The following LMLN variants were observed in gnomAD, a reference collection of about 807,000 sequenced individuals.
LMLN encodes leishmanolysin-like peptidase.
In LMLN, 70 loss-of-function variants were observed where a neutral mutation model predicts 92.3. The ratio of observed to expected loss-of-function variants is 0.76; its 90% CI spans 0.63 to 0.92. LMLN has a LOEUF of 0.92. Among genes scored for constraint, LMLN ranks in the 40% least tolerant of loss-of-function variants. LMLN has a pLI of 0.00. For missense variants in LMLN, 691 were observed against 814.6 expected (o/e 0.85, Z 1.85); for synonymous variants, 308 against 296.2 (o/e 1.04, Z -0.41).
At chr3:197,983,959 G>A in exon 7 of LMLN, 1 of 1,610,830 alleles carries the variant, frequency 6.2e-7, no homozygotes, top group Non-Finnish European at 8.5e-7. Context: ...AGCAGGATAT[G>A]CTAACCTGTG....
chr3:197,974,288 T>C, intron 1 of LMLN, 89 bp from the exon 2 acceptor site: 1 of 700,152 alleles, frequency 1.4e-6, no homozygotes, highest in Non-Finnish European at 2.5e-6. Context: ...GGTATTACAC[T>C]TGAAATTTAG....
chr3:198,014,715 TCTCTC>T (rs1267450230), intron 11 of LMLN, among the ~76,000 whole-genome samples: 49 of 141,994 alleles, frequency 3.5e-4, no homozygotes, highest in Non-Finnish European at 6.3e-4. Flanking sequence ...TAGTCTGACT[TCTCTC>T]CACTCTTCAG....
At chr3:198,024,303 C>T (rs1237580971) in intron 13 of LMLN, among the ~76,000 whole-genome samples, 1 of 151,376 alleles carries the variant, frequency 6.6e-6, no homozygotes, top group Non-Finnish European at 1.5e-5. Flanking sequence ...GCAAGCTCCG[C>T]CTCCCGGGTT....
intron 1 of LMLN, among the ~76,000 whole-genome samples, chr3:197,973,402 C>T (rs993736551): frequency 1.3e-4 from 19 of 151,996 alleles, no homozygotes; most frequent in African/African-American, 3.1e-4. Flanking sequence ...CCACCATGCC[C>T]GGCTAATTTT....
intron 7 of LMLN, among the ~76,000 whole-genome samples, chr3:197,984,382 A>G (rs1277506800): frequency 6.6e-6 from 1 of 152,022 alleles, no homozygotes; most frequent in Admixed American, 6.6e-5. Flanking sequence ...AACAAACAGA[A>G]AGATTTATAA....
At chr3:197,991,111 C>CTTTTTTTTTTTTTT (rs56713833) in intron 9 of LMLN, among the ~76,000 whole-genome samples, 1 of 137,894 alleles carries the variant, frequency 7.3e-6, no homozygotes, top group African/African-American at 2.7e-5. Flanking sequence ...TTCTTTCTTT[C>CTTTTTTTTTTTTTT]TTTTTTTTTT....
chr3:198,021,498 G>A, exon 13 of LMLN: 1 of 1,614,060 alleles, frequency 6.2e-7, no homozygotes, highest in Non-Finnish European at 8.5e-7. Context: ...TATTATGGTG[G>A]CTCCGTGGAA....
At chr3:197,987,838 T>C (rs1449449093) in intron 8 of LMLN, among the ~76,000 whole-genome samples, 1 of 152,190 alleles carries the variant, frequency 6.6e-6, no homozygotes, top group Admixed American at 6.5e-5. Flanking sequence ...GTATCGGATA[T>C]TATAGATCTT....
At chr3:197,961,876 C>A (rs1720905738) in intron 1 of LMLN, among the ~76,000 whole-genome samples, 1 of 152,146 alleles carries the variant, frequency 6.6e-6, no homozygotes, top group Admixed American at 6.5e-5. Flanking sequence ...CAAACAACAT[C>A]AGAATAATTT....
At position 197,981,491 on chromosome 3, in the gene LMLN, G is replaced by A. The variant is rs114834458; in HGVS notation, c.728+987G>A. Among the ~76,000 whole-genome samples, 1,300 of 152,330 alleles carry A rather than the reference G, an allele frequency of 8.5e-3. 12 individuals carry two copies. Among genetic ancestry groups the A allele is most frequent in the African/African-American group, 0.03 (1,250 of 41,570 alleles). ...AGGACTTCTGTGCTAAAACTGTGAAGAAAGGTGTTAATAATGACTGTTCAT... is the reference window on the plus strand; with the variant it reads ...AGGACTTCTGTGCTAAAACTGTGAAAAAAGGTGTTAATAATGACTGTTCAT... On this transcript the variant is annotated intron_variant, in intron 6 of 15. Transcript: ENST00000330198.
intron 11 of LMLN, among the ~76,000 whole-genome samples, chr3:198,013,054 G>C (rs1328610716): frequency 3.4e-5 from 4 of 116,834 alleles, no homozygotes; most frequent in African/African-American, 1.2e-4. Flanking sequence ...TGACTTCTCT[G>C]TACCCTTCAG....
At position 197,996,178 on chromosome 3, in the gene LMLN, GA is replaced by G; in HGVS notation, c.1053del (p.Ala352HisfsTer10). ...TGATTTTTTTTCTGGTTCTTAGGAG[GA>G]AGCACGAAAACATTTTGATTGTCCA... On this transcript the variant is annotated frameshift_variant, in exon 10 of 16. Transcript: ENST00000330198. LOFTEE classifies it high-confidence loss of function. The G allele has an allele frequency of 1.9e-6, 3 of 1,551,550 alleles. No individual in the cohort carries two copies. The highest frequency in any genetic ancestry group is 2.6e-6 in the Non-Finnish European group (3 of 1,152,064).
chr3:197,989,955 G>A (rs1208460271), intron 8 of LMLN, among the ~76,000 whole-genome samples: 1 of 152,244 alleles, frequency 6.6e-6, no homozygotes, highest in African/African-American at 2.4e-5. Flanking sequence ...GCTCACTGCA[G>A]CCTTGAACTC....
rs146108812 is a variant in LMLN at position 197,967,112 on chromosome 3, G to T, written c.219+6672G>T. On this transcript the variant is annotated intron_variant, in intron 1 of 15. Coordinates refer to ENST00000330198, the Ensembl canonical transcript of LMLN. ...CACATTTACATCTATATTAATAAGG[G>T]ATATTGGTCTGTAGTTTTTTTAATT... Among the ~76,000 whole-genome samples, 692 of 152,212 alleles carry T rather than the reference G, an allele frequency of 4.5e-3. 8 individuals are homozygous for T. The East Asian group carries it at 0.047, about 10-fold the overall frequency.
intron 9 of LMLN, chr3:197,994,738 G>A (rs1560143399): frequency 6.6e-6 from 1 of 152,158 alleles, no homozygotes; most frequent in Non-Finnish European, 1.5e-5. Context: ...CAAAAGATAA[G>A]AAGTGTTGGT....
chr3:198,023,359 T>A (rs1413200559), intron 13 of LMLN, among the ~76,000 whole-genome samples: 1 of 152,032 alleles, frequency 6.6e-6, no homozygotes, highest in Non-Finnish European at 1.5e-5. Flanking sequence ...TGACTAATTT[T>A]TAAAAATTTT....
At chr3:197,963,501 TG>T (rs762168861) in intron 1 of LMLN, among the ~76,000 whole-genome samples, 4 of 152,218 alleles carry the variant, frequency 2.6e-5, no homozygotes, top group Non-Finnish European at 4.4e-5. Context: ...AGATCTTGCA[TG>T]TTTTTTGTTA....
At chr3:198,039,647 G>A (rs916241514) in exon 16 of LMLN, 4 of 113,344 alleles carry the variant, frequency 3.5e-5, no homozygotes, top group South Asian at 4.8e-4. Context: ...TTAATTCACT[G>A]TTCCCATTGT....
chr3:198,033,177 T>C (rs1560157894), intron 14 of LMLN, among the ~76,000 whole-genome samples: 1 of 152,170 alleles, frequency 6.6e-6, no homozygotes. Flanking sequence ...TCTCATATAA[T>C]TCTCATCTCT....
Sources: allele counts gnomAD v4.1 joint callset (sites outside exome capture counted in the v4.1 genomes callset), GRCh38; gene constraint gnomAD v4.1.1; transcripts MANE v1.5; gene names NCBI Gene and HGNC (gene_info 2026-07-23, HGNC 2026-07-21).